The following ZNF546 variants were observed in gnomAD, a reference collection of about 807,000 sequenced individuals.
ZNF546 encodes the protein CTC-471F3.6.
ZNF546 carries 60 observed loss-of-function variants against 76.2 expected under a neutral mutation model. That is an observed-to-expected ratio of 0.79 (90% CI 0.64 to 0.98). ZNF546 has a LOEUF of 0.98. Ranked by LOEUF, ZNF546 falls within the 50% of genes least tolerant of loss-of-function variation. ZNF546 has a pLI of 0.00. For synonymous variants in ZNF546, 277 were observed against 328.1 expected (o/e 0.84, Z 1.68); for missense variants, 936 against 1,035.6 (o/e 0.90, Z 1.32).
chr19:40,012,338 G>T (rs374904176), intron 6 of ZNF546, among the ~76,000 whole-genome samples: 16 of 152,292 alleles, frequency 1.1e-4, no homozygotes, highest in African/African-American at 3.6e-4. Context: ...ATGTATCTTT[G>T]TTCCCTTTCA....
At chr19:40,001,326 T>C (rs1026555664) in intron 3 of ZNF546, among the ~76,000 whole-genome samples, 3 of 152,046 alleles carry the variant, frequency 2.0e-5, no homozygotes, top group African/African-American at 7.3e-5. Flanking sequence ...TGAAGAATGA[T>C]GTCCCCCCTT....
chr19:40,006,088 C>G lies in ZNF546; in HGVS notation c.85-8C>G. 1 of 1,612,068 alleles carries G rather than the reference C, an allele frequency of 6.2e-7. No individual in the cohort carries two copies. The highest frequency in any genetic ancestry group is 8.5e-7 in the Non-Finnish European group (1 of 1,178,528). Reference sequence around the variant, plus strand: ...TCTGGTCTCAGAGTCACTTGTTCTTCCCCCCAGCCCCGGTTTCTCTGGATT... The same window carrying G: ...TCTGGTCTCAGAGTCACTTGTTCTTGCCCCCAGCCCCGGTTTCTCTGGATT... On this transcript the variant is annotated splice_polypyrimidine_tract_variant and splice_region_variant and intron_variant, in intron 3 of 6. Coordinates refer to ENST00000347077, the MANE Select transcript of ZNF546 (RefSeq NM_178544.5).
In ZNF546 at chr19:40,017,933, G is replaced by A. The variant is rs995290419; in HGVS notation, c.*2152G>A. 3 of 147,770 alleles carry A rather than the reference G, an allele frequency of 2.0e-5. No individual in the cohort carries two copies. Among genetic ancestry groups the A allele is most frequent in the African/African-American group, 7.6e-5 (3 of 39,714 alleles). 9.2% of individuals were successfully genotyped at this position (147,770 alleles called of 1,614,324 possible). A position where few individuals can be genotyped will look rare whatever the true frequency, so the allele number is the denominator to read the frequency against. Reference sequence around the variant, plus strand: ...GTTCGTCTCTTTTAAAGTAAGAATGGCCCTTCCCCCCACAACTTTATTGCA... The same window carrying A: ...GTTCGTCTCTTTTAAAGTAAGAATGACCCTTCCCCCCACAACTTTATTGCA... On this transcript the variant is annotated 3_prime_UTR_variant, in exon 7 of 7. Coordinates refer to ENST00000347077, the MANE Select transcript of ZNF546 (RefSeq NM_178544.5).
rs1284824998 is a variant in ZNF546 at position 40,014,342 on chromosome 19, G to A, written c.1072G>A (p.Glu358Lys). The change falls in exon 7 of 7, where the codon GAA becomes AAA. Residue 358 changes from glutamate to lysine, a missense_variant. Transcript: ENST00000347077. ...AATTCATACTGGTGAGAGGCCTTAT[G>A]AATGTAAGGTTTGTGGCAAGACCTT... ...QRIHTGERPY[E>K]CKVCGKTFRV... 1.2e-6 allele frequency: 2 copies of A among 1,613,998 alleles called. No homozygotes were observed.
chr19:40,011,036 C>T (rs886908722), intron 6 of ZNF546, among the ~76,000 whole-genome samples: 1 of 151,980 alleles, frequency 6.6e-6, no homozygotes, highest in Non-Finnish European at 1.5e-5. Context: ...TTTGAGAGTC[C>T]CTTATATATT....
chr19:40,015,408 G>T lies in ZNF546; in HGVS notation c.2138G>T (p.Arg713Ile), dbSNP rs774272341. 9 of 1,614,052 alleles carry T rather than the reference G, an allele frequency of 5.6e-6. No homozygotes were observed. Among genetic ancestry groups the T allele is most frequent in the Non-Finnish European group, 7.6e-6 (9 of 1,180,036 alleles). Residue 713 changes from arginine to isoleucine, a missense_variant, in exon 7 of 7, where the codon AGA becomes ATA. Physicochemically the swap from Arg to Ile is moderately conservative, Grantham distance 97. Transcript: ENST00000347077. ...AGTTATCGACTTACATTACATCAAA[G>T]AATTCACACTGGTGAGCTTCCATAT... is the stretch of plus-strand genomic sequence containing the variant. ...ICSYRLTLHQ[R>I]IHTGELPYEC...
At position 40,014,258 on chromosome 19, in the gene ZNF546, G is replaced by A. The variant is rs759460010; in HGVS notation, c.988G>A (p.Glu330Lys). 2 of 1,613,872 alleles carry A rather than the reference G, an allele frequency of 1.2e-6. No individual in the cohort carries two copies. Among genetic ancestry groups the A allele is most frequent in the Admixed American group, 1.7e-5 (1 of 60,014 alleles). Residue 330 changes from glutamate to lysine, a missense_variant, in exon 7 of 7, where the codon GAA becomes AAA. Transcript: ENST00000347077. ...QTIHAGERPY[E>K]CKECGKAFRL... is the part of the protein sequence containing the mutation. ...AATTCATGCTGGAGAGAGACCTTAT[G>A]AATGTAAAGAATGTGGGAAGGCCTT...
rs201897742 is a variant in ZNF546, at chr19:40,015,728, C to T, written c.2458C>T (p.Leu820Phe). 144 of 1,613,528 alleles carry T rather than the reference C, an allele frequency of 8.9e-5. No homozygotes were observed. Among genetic ancestry groups the T allele is most frequent in the Non-Finnish European group, 1.1e-4 (135 of 1,179,640 alleles). ...CGKAFIRSDQ[L>F]TLHQRNHISE... ...AAAAGCCTTTATTCGTAGTGATCAA[C>T]TTACTTTACATCAGAGAAATCATAT... The change falls in exon 7 of 7, where the codon CTT becomes TTT. Residue 820 changes from leucine (L) to phenylalanine (F), a missense_variant. By Grantham distance (22) the Leu-to-Phe change is conservative. Transcript: ENST00000347077.
intron 3 of ZNF546, among the ~76,000 whole-genome samples, chr19:40,005,266 C>T (rs978401136): frequency 1.3e-5 from 2 of 151,668 alleles, no homozygotes; most frequent in Non-Finnish European, 2.9e-5. Flanking sequence ...ATGATCTGCC[C>T]GCCTTGGTCT....
Position 40,015,573 on chromosome 19 carries a change from A to G in ZNF546, c.2303A>G (p.His768Arg). The G allele has an allele frequency of 6.2e-7, 1 of 1,614,058 alleles. No homozygotes were observed. Among genetic ancestry groups the G allele is most frequent in the Non-Finnish European group, 8.5e-7 (1 of 1,180,018 alleles). Residue 768 changes from histidine (H) to arginine (R), a missense_variant, in exon 7 of 7, where the codon CAC (histidine) becomes CGC (arginine). Transcript: ENST00000347077. ...FRLQAELTRH[H>R]IVHTGEKPYK... is the part of the protein sequence containing the mutation. ...CTTCAAGCAGAACTTACTCGACATC[A>G]CATAGTTCACACGGGTGAGAAACCC...
Position 40,015,648 on chromosome 19 carries a change from C to G in ZNF546, c.2378C>G (p.Thr793Ser), listed in dbSNP as rs202219218. 3 of 1,614,130 alleles carry G rather than the reference C, an allele frequency of 1.9e-6. No homozygotes were observed. Residue 793 changes from threonine to serine, a missense_variant, in exon 7 of 7, where the codon ACT becomes AGT. By Grantham distance (58) the Thr-to-Ser change is moderately conservative (BLOSUM62 1). Coordinates refer to ENST00000347077, the MANE Select transcript of ZNF546 (RefSeq NM_178544.5). ...GKAFSVNSEL[T>S]RHHRIHTGEK... ...GCCTTCAGTGTTAATTCAGAACTTACTCGACATCACAGAATTCATACTGGT... is the reference window on the plus strand; with the variant it reads ...GCCTTCAGTGTTAATTCAGAACTTAGTCGACATCACAGAATTCATACTGGT...
intron 3 of ZNF546, among the ~76,000 whole-genome samples, chr19:40,005,055 G>T (rs1435620042): frequency 8.9e-6 from 1 of 112,048 alleles, no homozygotes; most frequent in African/African-American, 3.7e-5. Flanking sequence ...GTCTTGCTCT[G>T]TCGCCCAGGT....
chr19:40,003,998 T>C (rs1341078722), intron 3 of ZNF546, among the ~76,000 whole-genome samples: 1 of 139,734 alleles, frequency 7.2e-6, no homozygotes, highest in Non-Finnish European at 1.5e-5. Context: ...GGTGACAGAG[T>C]GAGACTCTAT....
intron 3 of ZNF546, among the ~76,000 whole-genome samples, chr19:40,005,240 G>A (rs1326746227): frequency 6.6e-6 from 1 of 151,246 alleles, no homozygotes; most frequent in Admixed American, 6.6e-5. Flanking sequence ...GGCTGGTTTC[G>A]AACTCCTGAC....
intron 6 of ZNF546, among the ~76,000 whole-genome samples, chr19:40,011,830 C>G (rs150917632): frequency 6.6e-6 from 1 of 152,296 alleles, no homozygotes; most frequent in Admixed American, 6.5e-5. Context: ...GCAGTCTCTG[C>G]CTCCATCTTC....
Position 39,998,419 on chromosome 19 carries a change from A to C in ZNF546, c.84+9A>C. On this transcript the variant is annotated intron_variant, in intron 3 of 6. Coordinates refer to ENST00000347077, the MANE Select transcript of ZNF546 (RefSeq NM_178544.5). ...ACTCACTTTCTATAATGGTAGAGAA[A>C]TGCATATCCTGGAGTCTAAAGTTAA... The C allele has an allele frequency of 1.9e-6, 3 of 1,608,920 alleles. No individual in the cohort carries two copies. The highest frequency in any genetic ancestry group is 2.6e-6 in the Non-Finnish European group (3 of 1,175,244).
rs1971760969 is a variant in ZNF546, at chr19:40,015,968, T to C, written c.*187T>C. 3.3e-6 allele frequency: 2 copies of C among 612,524 alleles called. No homozygotes were observed. The highest frequency in any genetic ancestry group is 2.0e-5 in the South Asian group (1 of 49,372). The allele number at this position is 612,524 out of a possible 1,614,324, so 37.9% of individuals were successfully genotyped here. A position where few individuals can be genotyped will look rare whatever the true frequency, so the allele number is the denominator to read the frequency against. On this transcript the variant is annotated 3_prime_UTR_variant, in exon 7 of 7. Transcript: ENST00000347077. Reference sequence around the variant, plus strand: ...TCAGTCCCTGTTAGACTTTAGAAGATTGATACTGATGCACTGCATCCCAAA... The same window carrying C: ...TCAGTCCCTGTTAGACTTTAGAAGACTGATACTGATGCACTGCATCCCAAA...
intron 3 of ZNF546, 45 bp downstream of exon 3, chr19:39,998,455 T>C: frequency 6.7e-7 from 1 of 1,492,316 alleles, no homozygotes; most frequent in Non-Finnish European, 9.4e-7. Context: ...AACTTTGTTT[T>C]ATTGAGATTA....
intron 6 of ZNF546, among the ~76,000 whole-genome samples, chr19:40,009,172 G>A (rs930120160): frequency 6.6e-6 from 1 of 152,172 alleles, no homozygotes; most frequent in African/African-American, 2.4e-5. Flanking sequence ...TTGAACCAGA[G>A]ACATAAAGTA....
Sources: allele counts gnomAD v4.1 joint callset (sites outside exome capture counted in the v4.1 genomes callset), GRCh38; gene constraint gnomAD v4.1.1; transcripts MANE v1.5; gene names NCBI Gene and HGNC (gene_info 2026-07-23, HGNC 2026-07-21).